Variants in RGS7 observed in about 807,000 individuals in gnomAD.
The protein encoded by RGS7 is regulator of G-protein signaling 7.
RGS7 carries 27 observed loss-of-function variants against 81.1 expected under a neutral mutation model. That is an observed-to-expected ratio of 0.33 (90% CI 0.25 to 0.46). RGS7 has a LOEUF of 0.46. RGS7 is among the 20% of genes least tolerant of loss of function. The probability of loss-of-function intolerance (pLI) is 1.00; values close to 1 mark genes in which losing one functional copy is unlikely to be tolerated. For missense variants in RGS7, 396 were observed against 607.4 expected (o/e 0.65, Z 3.66); for synonymous variants, 208 against 207.7 (o/e 1.00, Z -0.01).
rs540408440 is a variant in RGS7, at chr1:240,998,595, T to A, written c.176-15466A>T. 6.8e-5 allele frequency: 57 copies of A among 842,190 alleles called. No individual in the cohort carries two copies. In the Admixed American group the frequency reaches 7.4e-4, roughly 11 times the overall value. 52.2% of individuals were successfully genotyped at this position (842,190 alleles called of 1,614,324 possible). A position where few individuals can be genotyped will look rare whatever the true frequency, so the allele number is the denominator to read the frequency against. ...AGATAGAGCCAGCTGCTGGACCAGGTCCACCAGCCCCTACATTGCAGAGGA... is the reference window on the plus strand; with the variant it reads ...AGATAGAGCCAGCTGCTGGACCAGGACCACCAGCCCCTACATTGCAGAGGA... On this transcript the variant is annotated intron_variant, in intron 3 of 18. Coordinates refer to ENST00000440928, the MANE Select transcript of RGS7 (RefSeq NM_001364886.1).
intron 3 of RGS7, among the ~76,000 whole-genome samples, chr1:241,004,056 T>G (rs556700735): frequency 6.6e-6 from 1 of 152,338 alleles, no homozygotes; most frequent in South Asian, 2.1e-4. Flanking sequence ...AGGACTCTGC[T>G]GGGCACTGCG....
intron 2 of RGS7, among the ~76,000 whole-genome samples, chr1:241,123,817 C>T (rs952224193): frequency 1.3e-5 from 2 of 152,148 alleles, no homozygotes; most frequent in Non-Finnish European, 2.9e-5. Context: ...GAATAATGCT[C>T]AACCCAGAAT....
chr1:241,254,650 C>T (rs1223875157), intron 2 of RGS7, among the ~76,000 whole-genome samples: 1 of 152,130 alleles, frequency 6.6e-6, no homozygotes, highest in East Asian at 1.9e-4. Context: ...TTGGAGGAGA[C>T]ACAAACATTC....
In RGS7 at chr1:241,288,528, C is replaced by T. The variant is rs147387397; in HGVS notation, c.78+67171G>A. ...CAAATCTGATAAATGTGCTGAAGTA[C>T]GGGGCGCTGTTACTATACAACATGG... is the stretch of plus-strand genomic sequence containing the variant. On this transcript the variant is annotated intron_variant, in intron 2 of 18. Coordinates refer to ENST00000440928, the MANE Select transcript of RGS7 (RefSeq NM_001364886.1). Among the ~76,000 whole-genome samples, 88 of 152,162 alleles carry T rather than the reference C, an allele frequency of 5.8e-4. No homozygotes were observed. In the Middle Eastern group the frequency reaches 0.017, roughly 29 times the overall value.
chr1:240,793,611 A>ATATTTTTTTT, intron 18 of RGS7, among the ~76,000 whole-genome samples: 3 of 78,816 alleles, frequency 3.8e-5, no homozygotes, highest in African/African-American at 2.9e-4. Flanking sequence ...ATATATATAT[A>ATATTTTTTTT]TTTTTTTTTT....
chr1:240,817,433 C>G (rs12408782), intron 10 of RGS7, among the ~76,000 whole-genome samples: 104,195 of 151,922 alleles, frequency 0.69, 36,555 homozygotes, highest in Non-Finnish European at 0.78. Flanking sequence ...TTTTCAGGCC[C>G]GTCACCAAGC....
chr1:241,227,309 G>C (rs1378107406), intron 2 of RGS7, among the ~76,000 whole-genome samples: 1 of 152,096 alleles, frequency 6.6e-6, no homozygotes, highest in African/African-American at 2.4e-5. Context: ...GACAAAGGCT[G>C]GGAGTGCTGA....
chr1:240,911,859 T>A lies in RGS7; in HGVS notation c.385+18858A>T, dbSNP rs186291906. Among the ~76,000 whole-genome samples, 56 of 152,022 alleles carry A rather than the reference T, an allele frequency of 3.7e-4. No homozygotes were observed. In the South Asian group the frequency reaches 7.1e-3, roughly 19 times the overall value. On this transcript the variant is annotated intron_variant, in intron 6 of 18. Coordinates refer to ENST00000440928, the MANE Select transcript of RGS7 (RefSeq NM_001364886.1). Reference sequence around the variant, plus strand: ...GGCTTACTGTACTTTAAAGATTTTCTGGCCGGGCGCAGTGGCTCACGCCTG... The same window carrying A: ...GGCTTACTGTACTTTAAAGATTTTCAGGCCGGGCGCAGTGGCTCACGCCTG...
Position 240,776,029 on chromosome 1 carries a change from CA to C in RGS7, c.*190del, listed in dbSNP as rs1428255430. ...AAGAGTCCATTGGAGATGGAATGTACACACAAAAATAACAATTTAGGTCCTT... is the reference window on the plus strand; with the variant it reads ...AAGAGTCCATTGGAGATGGAATGTACCACAAAAATAACAATTTAGGTCCTT... On this transcript the variant is annotated 3_prime_UTR_variant, in exon 19 of 19. Coordinates refer to ENST00000440928, the MANE Select transcript of RGS7 (RefSeq NM_001364886.1). 1.3e-6 allele frequency: 1 copy of C among 755,424 alleles called. No homozygotes were observed. Among genetic ancestry groups the C allele is most frequent in the Non-Finnish European group, 2.4e-6 (1 of 408,974 alleles). 46.8% of individuals were successfully genotyped at this position (755,424 alleles called of 1,614,324 possible). A position where few individuals can be genotyped will look rare whatever the true frequency, so the allele number is the denominator to read the frequency against.
In RGS7 at chr1:240,868,150, GAA is replaced by G. The variant is rs200813138; in HGVS notation, c.609+435_609+436del. On this transcript the variant is annotated intron_variant, in intron 9 of 18. Coordinates refer to ENST00000440928, the MANE Select transcript of RGS7 (RefSeq NM_001364886.1). This position sits in a 1 kb window ranked among gnomAD's most constrained non-coding sequence, Gnocchi z 5.1. ...AGAAAGAAAGAAAGAAAGAAAGAAA[GAA>G]AGAAAGGACGGAGGGAGGGAAGGAC... 0.15 allele frequency among the ~76,000 whole-genome samples: 15,105 copies of G among 99,504 alleles called. 897 individuals carry two copies. The highest frequency in any genetic ancestry group is 0.26 in the Middle Eastern group (43 of 168). The allele number at this position is 99,504 out of a possible 152,430, so 65.3% of individuals were successfully genotyped here. A position where few individuals can be genotyped will look rare whatever the true frequency, so the allele number is the denominator to read the frequency against.
chr1:240,879,463 C>T (rs1005119394), intron 6 of RGS7, among the ~76,000 whole-genome samples: 6 of 152,156 alleles, frequency 3.9e-5, no homozygotes, highest in Non-Finnish European at 5.9e-5. Context: ...GTTCTTTTTA[C>T]AGATGAATTT....
At chr1:240,972,760 C>T (rs1240110174) in intron 4 of RGS7, among the ~76,000 whole-genome samples, 2 of 147,922 alleles carry the variant, frequency 1.4e-5, no homozygotes, top group Non-Finnish European at 3.0e-5. Flanking sequence ...GTGGCTTATA[C>T]CTGTAATCCC....
intron 6 of RGS7, among the ~76,000 whole-genome samples, chr1:240,896,516 C>T (rs1475820700): frequency 6.6e-6 from 1 of 152,134 alleles, no homozygotes; most frequent in African/African-American, 2.4e-5. Context: ...AGCCAGTTTT[C>T]CCAGCACCAT....
chr1:241,211,366 G>A (rs1260137739), intron 2 of RGS7, among the ~76,000 whole-genome samples: 1 of 152,108 alleles, frequency 6.6e-6, no homozygotes, highest in East Asian at 1.9e-4. Context: ...TATTATGTGG[G>A]AACCATGCCA....
At chr1:241,084,731 A>T (rs1480088838) in intron 3 of RGS7, among the ~76,000 whole-genome samples, 3 of 152,350 alleles carry the variant, frequency 2.0e-5, no homozygotes, top group African/African-American at 7.2e-5. Flanking sequence ...AGAAGAGGGC[A>T]ATGAGACTCC....
chr1:241,125,258 T>C (rs1029984666), intron 2 of RGS7, among the ~76,000 whole-genome samples: 2 of 152,210 alleles, frequency 1.3e-5, no homozygotes, highest in African/African-American at 4.8e-5. Context: ...CCAGTCTCCA[T>C]AACAATGCTA....
rs539824135 is a variant in RGS7, at chr1:240,788,553, G to A, written c.*6+12088C>T. Reference sequence around the variant, plus strand: ...TTGGATCCATCAGAAAATGACTTACGTAGACTTTCTGAAAGATGGAGTCCA... The same window carrying A: ...TTGGATCCATCAGAAAATGACTTACATAGACTTTCTGAAAGATGGAGTCCA... On this transcript the variant is annotated intron_variant, in intron 18 of 18. Transcript: ENST00000440928. Among the ~76,000 whole-genome samples, 13 of 152,304 alleles carry A rather than the reference G, an allele frequency of 8.5e-5. No individual in the cohort carries two copies. In the South Asian group the frequency reaches 1.9e-3, roughly 22 times the overall value.
chr1:241,092,697 C>T (rs570481550), intron 3 of RGS7, among the ~76,000 whole-genome samples: 2 of 152,044 alleles, frequency 1.3e-5, no homozygotes, highest in South Asian at 2.1e-4. Flanking sequence ...GATGTATATC[C>T]CCACTTGTAT....
chr1:240,829,644 G>T (rs1693469806), intron 9 of RGS7, among the ~76,000 whole-genome samples: 1 of 152,078 alleles, frequency 6.6e-6, no homozygotes, highest in African/African-American at 2.4e-5. Flanking sequence ...CAGGAGCCAA[G>T]CACAGTGCCA....
Sources: allele counts gnomAD v4.1 joint callset (sites outside exome capture counted in the v4.1 genomes callset), GRCh38; gene constraint gnomAD v4.1.1; non-coding constraint Gnocchi (gnomAD v3.1); transcripts MANE v1.5; gene names NCBI Gene and HGNC (gene_info 2026-07-23, HGNC 2026-07-21).